IFT43: variants seen among roughly 807,000 people sequenced by gnomAD.
IFT43 encodes the protein intraflagellar transport 43.
IFT43 carries 33 observed loss-of-function variants against 32.3 expected under a neutral mutation model. That is an observed-to-expected ratio of 1.02 (90% CI 0.77 to 1.37). The LOEUF (loss-of-function observed/expected upper bound fraction) is 1.37. Among genes scored for constraint, IFT43 ranks in the 40% most tolerant of loss-of-function variants. IFT43 has a pLI of 0.00. For missense variants in IFT43, 274 were observed against 265.9 expected (o/e 1.03, Z -0.21); for synonymous variants, 93 against 98.2 (o/e 0.95, Z 0.31).
At chr14:76,047,104 G>A (rs988110212) in intron 3 of IFT43, among the ~76,000 whole-genome samples, 1 of 152,190 alleles carries the variant, frequency 6.6e-6, no homozygotes, top group Non-Finnish European at 1.5e-5. Flanking sequence ...AGTCCTCATG[G>A]CCTTGTCACC....
chr14:76,083,572 A>G lies in IFT43; in HGVS notation c.622A>G (p.Thr208Ala), dbSNP rs2037555655. The G allele has an allele frequency of 6.2e-7, 1 of 1,613,850 alleles. No individual in the cohort carries two copies. The highest frequency in any genetic ancestry group is 1.1e-5 in the South Asian group (1 of 91,092). Residue 208 changes from threonine (T) to alanine (A), a missense_variant, in exon 9 of 9, where the codon ACC becomes GCC. Coordinates refer to ENST00000314067, the MANE Select transcript of IFT43 (RefSeq NM_001102564.3). ...KEDPAGQARH[T>A] ...GGACCCTGCGGGGCAGGCCAGGCAC[A>G]CCTGAGCCCGTCACCCATGCTCTAG... is the stretch of plus-strand genomic sequence containing the variant.
intron 2 of IFT43, among the ~76,000 whole-genome samples, chr14:76,009,589 A>G (rs2036041738): frequency 6.6e-6 from 1 of 152,154 alleles, no homozygotes; most frequent in Non-Finnish European, 1.5e-5. Flanking sequence ...TGCCATTTAC[A>G]TCTGTTTTGC....
At chr14:76,053,796 A>G (rs1566726870) in intron 3 of IFT43, among the ~76,000 whole-genome samples, 1 of 152,326 alleles carries the variant, frequency 6.6e-6, no homozygotes, top group East Asian at 1.9e-4. Context: ...TGTGTTTTAC[A>G]TTTTGAATAT....
At chr14:76,059,238 G>A (rs1486788275) in intron 4 of IFT43, 89 bp from the exon 5 acceptor site, 8 of 1,610,710 alleles carry the variant, frequency 5.0e-6, no homozygotes, top group South Asian at 2.2e-5. Flanking sequence ...TCATCTAGGA[G>A]AAAGAATGGA....
chr14:76,052,133 C>T lies in IFT43; in HGVS notation c.216-6509C>T, dbSNP rs566325489. Among the ~76,000 whole-genome samples the T allele has an allele frequency of 5.9e-5, 9 of 152,126 alleles. No homozygotes were observed. In the South Asian group the frequency reaches 8.3e-4, roughly 14 times the overall value. On this transcript the variant is annotated intron_variant, in intron 3 of 8. Transcript: ENST00000314067. ...TGTGGATATTAAGAGACTTCAAGGACGCTTCCCCCCATTTATCTCGGTTAT... is the reference window on the plus strand; with the variant it reads ...TGTGGATATTAAGAGACTTCAAGGATGCTTCCCCCCATTTATCTCGGTTAT...
In IFT43 at chr14:76,060,841, C is replaced by T. The variant is rs535020321; in HGVS notation, c.295+1468C>T. On this transcript the variant is annotated intron_variant, in intron 5 of 8. Coordinates refer to ENST00000314067, the MANE Select transcript of IFT43 (RefSeq NM_001102564.3). Reference sequence around the variant, plus strand: ...CCCTCCCTCCCTTTCTTCCTTCCTTCCTTCCTTCCTTCCTTCCTTCTTTTC... The same window carrying T: ...CCCTCCCTCCCTTTCTTCCTTCCTTTCTTCCTTCCTTCCTTCCTTCTTTTC... 1.2e-3 allele frequency among the ~76,000 whole-genome samples: 155 copies of T among 131,336 alleles called. 4 individuals carry two copies. In the South Asian group the frequency reaches 0.038, roughly 33 times the overall value. 86.2% of individuals were successfully genotyped at this position (131,336 alleles called of 152,430 possible). A position where few individuals can be genotyped will look rare whatever the true frequency, so the allele number is the denominator to read the frequency against.
Position 76,040,838 on chromosome 14 carries a change from C to T in IFT43, c.216-17804C>T, listed in dbSNP as rs1303499463. Reference sequence around the variant, plus strand: ...CCTGGAGCAGAGGGGAGCACCCGATCCCCTAGGGAGGTGGCTGGAGAACAG... The same window carrying T: ...CCTGGAGCAGAGGGGAGCACCCGATTCCCTAGGGAGGTGGCTGGAGAACAG... On this transcript the variant is annotated intron_variant, in intron 3 of 8. Transcript: ENST00000314067. 2.0e-5 allele frequency among the ~76,000 whole-genome samples: 3 copies of T among 152,210 alleles called. No individual in the cohort carries two copies. In the East Asian group the frequency reaches 5.8e-4, roughly 29 times the overall value.
intron 5 of IFT43, among the ~76,000 whole-genome samples, chr14:76,072,473 C>T (rs1017233224): frequency 1.3e-5 from 2 of 152,116 alleles, no homozygotes; most frequent in African/African-American, 4.8e-5. Context: ...CATCCCTGCT[C>T]AAAACAAGGT....
At chr14:76,060,433 G>T in intron 5 of IFT43, among the ~76,000 whole-genome samples, 1 of 152,016 alleles carries the variant, frequency 6.6e-6, no homozygotes. Flanking sequence ...TGGCCAGGCT[G>T]GTCTCTAACA....
intron 2 of IFT43, among the ~76,000 whole-genome samples, chr14:75,999,243 A>ATTCATT (rs2035810109): frequency 4.1e-3 from 104 of 25,222 alleles, no homozygotes; most frequent in African/African-American, 0.014. Flanking sequence ...ATATATATAT[A>ATTCATT]TATATATATA....
chr14:76,039,327 T>C lies in IFT43; in HGVS notation c.215+16933T>C, dbSNP rs145628666. On this transcript the variant is annotated intron_variant, in intron 3 of 8. Coordinates refer to ENST00000314067, the MANE Select transcript of IFT43 (RefSeq NM_001102564.3). The stretch of plus-strand genomic sequence containing the variant: ...GCGTGTGCCACCATACTCGCCACGT[T>C]TTTAAATTTTTTGTAGAGATGAAGT... Among the ~76,000 whole-genome samples, 18 of 152,204 alleles carry C rather than the reference T, an allele frequency of 1.2e-4. No individual in the cohort carries two copies. In the East Asian group the frequency reaches 3.5e-3, roughly 29 times the overall value.
intron 3 of IFT43, among the ~76,000 whole-genome samples, chr14:76,025,239 A>G (rs1467627364): frequency 1.3e-5 from 2 of 152,160 alleles, no homozygotes; most frequent in South Asian, 2.1e-4. Flanking sequence ...AAAGATCTCT[A>G]TGAGGAGAAC....
chr14:76,017,261 G>T (rs971554289), intron 2 of IFT43, among the ~76,000 whole-genome samples: 6 of 152,036 alleles, frequency 3.9e-5, no homozygotes, highest in African/African-American at 9.7e-5. Context: ...ATTATGAAGG[G>T]ATGTTCAATC....
intron 3 of IFT43, among the ~76,000 whole-genome samples, chr14:76,023,288 G>T (rs1411820218): frequency 3.9e-5 from 6 of 152,200 alleles, no homozygotes; most frequent in Admixed American, 3.9e-4. Flanking sequence ...AGCCCTCCCA[G>T]CCTTTCCACA....
intron 2 of IFT43, among the ~76,000 whole-genome samples, chr14:75,989,380 C>G (rs1245133723): frequency 6.6e-6 from 1 of 151,818 alleles, no homozygotes; most frequent in African/African-American, 2.4e-5. Context: ...AGTCTTCCGG[C>G]AGGAAGCAGA....
chr14:75,999,639 G>C (rs1224884828), intron 2 of IFT43, among the ~76,000 whole-genome samples: 1 of 152,110 alleles, frequency 6.6e-6, no homozygotes, highest in East Asian at 1.9e-4. Flanking sequence ...CCCTGCCTAG[G>C]AGTTAGGGAA....
At position 75,996,174 on chromosome 14, in the gene IFT43, T is replaced by C. The variant is rs1054371430; in HGVS notation, c.147+7197T>C. On this transcript the variant is annotated intron_variant, in intron 2 of 8. Coordinates refer to ENST00000314067, the MANE Select transcript of IFT43 (RefSeq NM_001102564.3). ...TATGGGGAGGGTTAAGTGAGAAATA[T>C]GTGTCAAGAGCTTAGCCCAGTGCAC... Among the ~76,000 whole-genome samples the C allele has an allele frequency of 1.5e-4, 23 of 152,330 alleles. 1 individual carries two copies. The highest frequency in any genetic ancestry group is 5.1e-4 in the African/African-American group (21 of 41,564).
intron 5 of IFT43, among the ~76,000 whole-genome samples, chr14:76,073,323 T>A (rs954220806): frequency 6.6e-6 from 1 of 152,206 alleles, no homozygotes; most frequent in Non-Finnish European, 1.5e-5. Context: ...CAGGCATGTT[T>A]GTGCATCTGA....
chr14:76,059,765 T>A lies in IFT43; in HGVS notation c.295+392T>A, dbSNP rs116079469. 8.8e-3 allele frequency among the ~76,000 whole-genome samples: 1,333 copies of A among 152,338 alleles called. 17 individuals carry two copies. The highest frequency in any genetic ancestry group is 0.03 in the African/African-American group (1,240 of 41,570). ...TATCCCAAGCACTGTCCTTCCAGTT[T>A]ACACATGTTAAAGCATTTTCTCTCA... On this transcript the variant is annotated intron_variant, in intron 5 of 8. Transcript: ENST00000314067.
Sources: allele counts gnomAD v4.1 joint callset (sites outside exome capture counted in the v4.1 genomes callset), GRCh38; gene constraint gnomAD v4.1.1; transcripts MANE v1.5; gene names NCBI Gene and HGNC (gene_info 2026-07-23, HGNC 2026-07-21).